Variants in TCF12 observed in about 807,000 individuals in gnomAD.
TCF12 encodes the protein DNA-binding protein HTF4.
A neutral mutation model predicts 86.0 loss-of-function variants in TCF12; 45 were observed. That is an observed-to-expected ratio of 0.52 (90% CI 0.41 to 0.67). TCF12 has a LOEUF of 0.67. Ranked by LOEUF, TCF12 falls within the 30% of genes least tolerant of loss-of-function variation. TCF12 has a pLI of 0.00. For synonymous variants in TCF12, 330 were observed against 299.6 expected (o/e 1.10, Z -1.05); for missense variants, 881 against 859.9 (o/e 1.02, Z -0.31).
Position 57,253,446 on chromosome 15 carries a change from C to A in TCF12, c.1445C>A (p.Ala482Glu). 3 of 1,614,058 alleles carry A rather than the reference C, an allele frequency of 1.9e-6. No homozygotes were observed. The highest frequency in any genetic ancestry group is 2.5e-6 in the Non-Finnish European group (3 of 1,179,968). ...AACTATGGAGGATCAAGCCTTGTTGCAAGCAGTCGATCAGCTTCAATGGTA... is the reference window on the plus strand; with the variant it reads ...AACTATGGAGGATCAAGCCTTGTTGAAAGCAGTCGATCAGCTTCAATGGTA... ...NSNYGGSSLVASSRSASMVGT... is the reference protein window; with the variant it reads ...NSNYGGSSLVESSRSASMVGT... Residue 482 changes from alanine to glutamate, a missense_variant, in exon 16 of 21, where the codon GCA becomes GAA. Physicochemically the swap from Ala to Glu is moderately radical, Grantham distance 107. Transcript: ENST00000333725.
intron 3 of TCF12, among the ~76,000 whole-genome samples, chr15:56,922,034 C>T (rs1237890168): frequency 1.3e-5 from 2 of 151,808 alleles, no homozygotes; most frequent in Non-Finnish European, 2.9e-5. Context: ...TAGTATTATT[C>T]TTGATCAAAA....
intron 5 of TCF12, among the ~76,000 whole-genome samples, chr15:57,128,672 C>G (rs1323859663): frequency 6.6e-6 from 1 of 152,172 alleles, no homozygotes; most frequent in Non-Finnish European, 1.5e-5. Context: ...AAACCCCGTA[C>G]CTATTAGAAG....
At chr15:57,162,014 C>G (rs909615099) in intron 5 of TCF12, among the ~76,000 whole-genome samples, 1 of 152,082 alleles carries the variant, frequency 6.6e-6, no homozygotes, top group Non-Finnish European at 1.5e-5. Flanking sequence ...GAGGCCCATG[C>G]ACATGTGCAC....
intron 3 of TCF12, among the ~76,000 whole-genome samples, chr15:57,059,169 A>G (rs528973913): frequency 1.3e-5 from 2 of 152,314 alleles, no homozygotes; most frequent in South Asian, 2.1e-4. Flanking sequence ...TTTACTTTCT[A>G]GAATAAAAAT....
intron 7 of TCF12, among the ~76,000 whole-genome samples, chr15:57,196,249 A>G (rs1351394343): frequency 6.6e-6 from 1 of 152,156 alleles, no homozygotes; most frequent in African/African-American, 2.4e-5. Context: ...TCCCTGAACA[A>G]TACAGTATAA....
intron 5 of TCF12, among the ~76,000 whole-genome samples, chr15:57,148,290 A>T (rs4593592): frequency 0.95 from 144,428 of 151,850 alleles, 69,080 homozygotes; most frequent in East Asian, 1. Context: ...ATAATATTTG[A>T]ATAAATGCAA....
intron 3 of TCF12, among the ~76,000 whole-genome samples, chr15:57,027,340 T>A (rs1567278991): frequency 6.6e-6 from 1 of 152,242 alleles, no homozygotes; most frequent in Non-Finnish European, 1.5e-5. Context: ...TAAACTCTTG[T>A]ATCTGGCTTC....
intron 6 of TCF12, among the ~76,000 whole-genome samples, chr15:57,171,454 C>T (rs1435281835): frequency 3.3e-5 from 5 of 152,044 alleles, no homozygotes; most frequent in Admixed American, 6.6e-5. Context: ...CAAAAAAAAT[C>T]CAAGGAAATA....
intron 8 of TCF12, among the ~76,000 whole-genome samples, chr15:57,209,109 T>C (rs562246839): frequency 1.6e-4 from 25 of 152,318 alleles, no homozygotes; most frequent in Non-Finnish European, 3.7e-4. Context: ...AAATAAGGAC[T>C]ACAAGGCCAT....
intron 5 of TCF12, among the ~76,000 whole-genome samples, chr15:57,093,565 G>A (rs966540964): frequency 2.0e-5 from 3 of 152,080 alleles, no homozygotes; most frequent in Non-Finnish European, 4.4e-5. Flanking sequence ...AATTTTGTAC[G>A]GGACAAGTGT....
Position 57,286,744 on chromosome 15 carries a change from C to T in TCF12, c.*599C>T. 1 of 428,922 alleles carries T rather than the reference C, an allele frequency of 2.3e-6. No homozygotes were observed. Among genetic ancestry groups the T allele is most frequent in the Non-Finnish European group, 4.6e-6 (1 of 216,636 alleles). The allele number at this position is 428,922 out of a possible 1,614,324, so 26.6% of individuals were successfully genotyped here. A position where few individuals can be genotyped will look rare whatever the true frequency, so the allele number is the denominator to read the frequency against. On this transcript the variant is annotated 3_prime_UTR_variant, in exon 21 of 21. Transcript: ENST00000333725. ...CTCTTGCCATATGAATAGCGTTTTC[C>T]ATGAAATAGGAAAATATTACTTGGT...
intron 3 of TCF12, among the ~76,000 whole-genome samples, chr15:56,962,862 T>C (rs948553058): frequency 2.6e-5 from 4 of 152,100 alleles, no homozygotes. Flanking sequence ...TGGAAATTAG[T>C]GTGTTATGTG....
intron 3 of TCF12, among the ~76,000 whole-genome samples, chr15:56,971,104 A>C (rs2062290321): frequency 6.6e-6 from 1 of 152,112 alleles, no homozygotes; most frequent in Non-Finnish European, 1.5e-5. Context: ...AATAAGGGCT[A>C]TCCTTCATGT....
At chr15:57,072,758 T>G in intron 4 of TCF12, 8 of 1,211,928 alleles carry the variant, frequency 6.6e-6, no homozygotes, top group African/African-American at 1.6e-5. Context: ...CATTAATCTC[T>G]GTTTTGTTAT....
At chr15:56,991,321 C>T (rs1317418474) in intron 3 of TCF12, among the ~76,000 whole-genome samples, 1 of 152,150 alleles carries the variant, frequency 6.6e-6, no homozygotes, top group East Asian at 1.9e-4. Flanking sequence ...CTTCCGTTTC[C>T]ATCTAATGAC....
At chr15:56,976,220 GTTTC>G (rs2062591130) in intron 3 of TCF12, among the ~76,000 whole-genome samples, 1 of 128,248 alleles carries the variant, frequency 7.8e-6, no homozygotes, top group African/African-American at 2.9e-5. Flanking sequence ...ATAAAAGGAA[GTTTC>G]TTTTTTTTTT....
chr15:57,217,363 T>A (rs1844795520), intron 8 of TCF12, among the ~76,000 whole-genome samples: 1 of 152,182 alleles, frequency 6.6e-6, no homozygotes, highest in Non-Finnish European at 1.5e-5. Context: ...TCTCTTCAGA[T>A]TATCATATAA....
At chr15:57,172,272 T>G (rs749544766) in intron 6 of TCF12, among the ~76,000 whole-genome samples, 2 of 152,196 alleles carry the variant, frequency 1.3e-5, no homozygotes, top group Non-Finnish European at 2.9e-5. Context: ...AAGAGAGAGA[T>G]AAACAAATTG....
At chr15:57,070,817 C>G (rs1596380092) in intron 4 of TCF12, among the ~76,000 whole-genome samples, 1 of 152,188 alleles carries the variant, frequency 6.6e-6, no homozygotes, top group Non-Finnish European at 1.5e-5. Flanking sequence ...CAGGGTCATA[C>G]TGGCTGGAGG....
Sources: gnomAD v4.1 joint callset for allele counts (sites outside exome capture counted in the v4.1 genomes callset) on GRCh38, gnomAD v4.1.1 for gene constraint, MANE v1.5 for transcripts, NCBI Gene and HGNC (gene_info 2026-07-23, HGNC 2026-07-21) for gene names.